The following GREB1 variants were observed in gnomAD, a reference collection of about 807,000 sequenced individuals.
GREB1 encodes protein GREB1.
A neutral mutation model predicts 200.7 loss-of-function variants in GREB1; 106 were observed. The observed-to-expected ratio is 0.53, with a 90% CI of 0.45 to 0.62. The LOEUF is 0.62. GREB1 is among the 20% of genes least tolerant of loss of function. The pLI, the probability that GREB1 is intolerant of heterozygous loss-of-function variation, is 0.00. For synonymous variants in GREB1, 1,132 were observed against 1,092.4 expected (o/e 1.04, Z -0.72); for missense variants, 2,243 against 2,556.8 (o/e 0.88, Z 2.65).
intron 1 of GREB1, among the ~76,000 whole-genome samples, chr2:11,544,556 C>A (rs1487603502): frequency 6.6e-6 from 1 of 152,060 alleles, no homozygotes; most frequent in Non-Finnish European, 1.5e-5. Flanking sequence ...TGTGGGCAAA[C>A]TTTTGGCTGT....
At chr2:11,639,407 C>G (rs530396869) in intron 32 of GREB1, among the ~76,000 whole-genome samples, 13 of 152,192 alleles carry the variant, frequency 8.5e-5, no homozygotes, top group Non-Finnish European at 1.8e-4. Flanking sequence ...CTTTTCCAAC[C>G]CAAATCCTTC....
chr2:11,576,596 C>A, intron 5 of GREB1, 61 bp downstream of exon 5: 1 of 1,335,038 alleles, frequency 7.5e-7, no homozygotes, highest in Non-Finnish European at 1.1e-6. Flanking sequence ...GGCCGTGGTG[C>A]CTGTCGGTGT....
chr2:11,485,275 AT>A (rs56041700), intron 1 of GREB1, among the ~76,000 whole-genome samples: 2,285 of 133,690 alleles, frequency 0.017, 28 homozygotes, highest in African/African-American at 0.037. Context: ...ATATATATGT[AT>A]TTTTTTTTTT....
Position 11,640,359 on chromosome 2 carries a change from G to A in GREB1, c.5755G>A (p.Glu1919Lys). Reference sequence around the variant, plus strand: ...CCAGACGGTCGTCCGCCTGGAGCTCGAGGACGAGTGGCAGTTCCGGCTGCG... The same window carrying A: ...CCAGACGGTCGTCCGCCTGGAGCTCAAGGACGAGTGGCAGTTCCGGCTGCG... ...LRQTVVRLEL[E>K]DEWQFRLRDE... Residue 1919 changes from glutamate to lysine, a missense_variant, in exon 33 of 33, where the codon GAG becomes AAG. Glu to Lys is a moderately conservative substitution (Grantham distance 56). This residue lies in a region of GREB1 where 478 missense variants were observed against 616.3 expected (regional missense o/e 0.78). Coordinates refer to ENST00000381486, the MANE Select transcript of GREB1 (RefSeq NM_014668.4). The surrounding 1 kb of genome is among the most constrained non-coding windows in gnomAD (Gnocchi z 4.6). The A allele has an allele frequency of 3.7e-6, 6 of 1,614,180 alleles. No homozygotes were observed. The highest frequency in any genetic ancestry group is 3.4e-6 in the Non-Finnish European group (4 of 1,180,038).
At chr2:11,615,808 A>G (rs564076854) in intron 20 of GREB1, among the ~76,000 whole-genome samples, 1 of 152,372 alleles carries the variant, frequency 6.6e-6, no homozygotes, top group African/African-American at 2.4e-5. Flanking sequence ...ATCGCAAGGC[A>G]TTGACTATAG....
At chr2:11,551,440 T>C (rs1478140003) in intron 1 of GREB1, among the ~76,000 whole-genome samples, 2 of 152,228 alleles carry the variant, frequency 1.3e-5, no homozygotes. Flanking sequence ...TTCTGTCTGA[T>C]TGACTGGCAT....
chr2:11,613,479 G>A (rs1185145901), intron 19 of GREB1, among the ~76,000 whole-genome samples: 2 of 152,002 alleles, frequency 1.3e-5, no homozygotes, highest in African/African-American at 2.4e-5. Flanking sequence ...CCCATTTTAC[G>A]GATGAAGAAA....
At chr2:11,592,346 T>TA (rs377354810) in intron 10 of GREB1, among the ~76,000 whole-genome samples, 123 of 144,222 alleles carry the variant, frequency 8.5e-4, no homozygotes, top group East Asian at 1.2e-3. Context: ...TTTTTTTTTT[T>TA]AAAAAGAGGA....
At chr2:11,610,123 A>C (rs1427702089) in intron 17 of GREB1, among the ~76,000 whole-genome samples, 3 of 152,132 alleles carry the variant, frequency 2.0e-5, no homozygotes, top group Admixed American at 6.5e-5. Context: ...TCTGAAGCAA[A>C]AACTGGGATT....
At chr2:11,577,059 C>CA (rs376247573) in intron 5 of GREB1, among the ~76,000 whole-genome samples, 121 of 144,772 alleles carry the variant, frequency 8.4e-4, no homozygotes, top group African/African-American at 2.4e-3. Flanking sequence ...AACAAACGAA[C>CA]AAAAAAAAAA....
At chr2:11,506,993 T>C (rs375500840) in intron 1 of GREB1, among the ~76,000 whole-genome samples, 1 of 152,130 alleles carries the variant, frequency 6.6e-6, no homozygotes, top group Non-Finnish European at 1.5e-5. Context: ...GATTTTGATA[T>C]AGAATTACAA....
At position 11,602,555 on chromosome 2, in the gene GREB1, C is replaced by A. The variant is rs759615528; in HGVS notation, c.2666+13C>A. 10 of 1,612,386 alleles carry A rather than the reference C, an allele frequency of 6.2e-6. No individual in the cohort carries two copies. The highest frequency in any genetic ancestry group is 3.3e-5 in the Admixed American group (2 of 59,990). On this transcript the variant is annotated intron_variant, in intron 17 of 32. Coordinates refer to ENST00000381486, the MANE Select transcript of GREB1 (RefSeq NM_014668.4). ...CATTAGGAAAAAGGTACTTGTTTCT[C>A]TTCTAAGTTACTAGAAGTGCTCAGT...
intron 17 of GREB1, among the ~76,000 whole-genome samples, chr2:11,602,831 G>T (rs1038083375): frequency 3.3e-5 from 5 of 152,206 alleles, no homozygotes; most frequent in Non-Finnish European, 7.3e-5. Context: ...AGGAAAATGG[G>T]AGGAAGATAA....
At chr2:11,594,499 C>T (rs879897939) in intron 11 of GREB1, among the ~76,000 whole-genome samples, 1 of 150,872 alleles carries the variant, frequency 6.6e-6, no homozygotes, top group East Asian at 2.0e-4. Context: ...GGACTACAGG[C>T]GTGCACCACC....
Position 11,549,706 on chromosome 2 carries a change from C to T in GREB1, c.-161-6748C>T, listed in dbSNP as rs1675622727. Reference sequence around the variant, plus strand: ...TTTTAAGAATTCCTTCTCGTTTTCTCCATGTTTACTTTTTATAGCATTCTG... The same window carrying T: ...TTTTAAGAATTCCTTCTCGTTTTCTTCATGTTTACTTTTTATAGCATTCTG... On this transcript the variant is annotated intron_variant, in intron 1 of 32. Coordinates refer to ENST00000381486, the MANE Select transcript of GREB1 (RefSeq NM_014668.4). 2.6e-5 allele frequency among the ~76,000 whole-genome samples: 4 copies of T among 152,134 alleles called. No individual in the cohort carries two copies. In the South Asian group the frequency reaches 8.3e-4, roughly 32 times the overall value.
intron 4 of GREB1, among the ~76,000 whole-genome samples, chr2:11,570,867 T>C (rs931020213): frequency 6.6e-6 from 1 of 152,148 alleles, no homozygotes; most frequent in African/African-American, 2.4e-5. Flanking sequence ...CCCAACATCA[T>C]ACTATTTACC....
rs747207171 is a variant in GREB1 at position 11,601,036 on chromosome 2, C to T, written c.2529+41C>T. On this transcript the variant is annotated intron_variant, in intron 16 of 32. Transcript: ENST00000381486. The stretch of plus-strand genomic sequence containing the variant: ...CTGCTGGGCCCTTGTGTAGCAATAT[C>T]ACTTGGGTTTGCAGAAATTACATTT... The T allele has an allele frequency of 1.1e-5, 17 of 1,520,830 alleles. No individual in the cohort carries two copies. The East Asian group carries it at 3.6e-4, about 32-fold the overall frequency. 94.2% of individuals were successfully genotyped at this position (1,520,830 alleles called of 1,614,324 possible).
At chr2:11,508,002 T>C (rs541346777) in intron 1 of GREB1, among the ~76,000 whole-genome samples, 1 of 152,362 alleles carries the variant, frequency 6.6e-6, no homozygotes, top group Admixed American at 6.5e-5. Flanking sequence ...GAGGGAATTA[T>C]ATGCCAAAAA....
At chr2:11,560,574 G>A (rs1676911241) in intron 2 of GREB1, among the ~76,000 whole-genome samples, 1 of 152,104 alleles carries the variant, frequency 6.6e-6, no homozygotes, top group African/African-American at 2.4e-5. Flanking sequence ...AATGGTAGGT[G>A]CCTGTAATTC....
Sources: allele counts gnomAD v4.1 joint callset (sites outside exome capture counted in the v4.1 genomes callset), GRCh38; gene constraint gnomAD v4.1.1; regional missense constraint gnomAD v4.1.1; non-coding constraint Gnocchi (gnomAD v3.1); transcripts MANE v1.5; gene names NCBI Gene and HGNC (gene_info 2026-07-23, HGNC 2026-07-21).